PKD1L1: variants seen among roughly 807,000 people sequenced by gnomAD.
The protein encoded by PKD1L1 is polycystin 1 like 1, transient receptor potential channel interacting, also known as polycystin-1-like protein 1.
A neutral mutation model predicts 323.4 loss-of-function variants in PKD1L1; 236 were observed. The ratio of observed to expected loss-of-function variants is 0.73; its 90% CI spans 0.66 to 0.81. PKD1L1 has a LOEUF of 0.81. Among genes scored for constraint, PKD1L1 ranks in the 40% least tolerant of loss-of-function variants. The pLI, the probability that PKD1L1 is intolerant of heterozygous loss-of-function variation, is 0.00. For missense variants in PKD1L1, 3,320 were observed against 3,508.0 expected (o/e 0.95, Z 1.35); for synonymous variants, 1,344 against 1,335.0 (o/e 1.01, Z -0.15).
intron 9 of PKD1L1, among the ~76,000 whole-genome samples, chr7:47,906,319 G>A (rs1420213516): frequency 6.6e-6 from 1 of 152,136 alleles, no homozygotes; most frequent in East Asian, 1.9e-4. Context: ...TTCTTAAATA[G>A]GGGTCTAATA....
chr7:47,788,603 ATT>A (rs201264261), intron 56 of PKD1L1, among the ~76,000 whole-genome samples: 1 of 136,906 alleles, frequency 7.3e-6, no homozygotes, highest in African/African-American at 2.7e-5. Context: ...TTTAATTTTA[ATT>A]TTTTTTTTGA....
intron 8 of PKD1L1, among the ~76,000 whole-genome samples, chr7:47,914,162 T>A (rs1040124736): frequency 2.6e-5 from 4 of 152,106 alleles, no homozygotes; most frequent in African/African-American, 9.7e-5. Context: ...AGAGGTCAAC[T>A]AAAACAAGGC....
chr7:47,828,779 C>A (rs774268632), intron 44 of PKD1L1, among the ~76,000 whole-genome samples: 1 of 152,078 alleles, frequency 6.6e-6, no homozygotes. Flanking sequence ...GGATCCTTTG[C>A]GAGGAGGAGG....
At chr7:47,841,865 A>AT (rs1471913387) in intron 34 of PKD1L1, among the ~76,000 whole-genome samples, 4 of 152,070 alleles carry the variant, frequency 2.6e-5, no homozygotes, top group Non-Finnish European at 4.4e-5. Flanking sequence ...TATTTTGATG[A>AT]TTTTTTCTTA....
intron 45 of PKD1L1, among the ~76,000 whole-genome samples, 185 bp from the exon 46 acceptor site, chr7:47,821,371 C>G (rs1416853716): frequency 6.6e-6 from 1 of 152,006 alleles, no homozygotes; most frequent in African/African-American, 2.4e-5. Context: ...TGGGTTCAAG[C>G]GATTCTCCTG....
chr7:47,938,223 T>C (rs908514006), intron 3 of PKD1L1, among the ~76,000 whole-genome samples: 2 of 152,130 alleles, frequency 1.3e-5, no homozygotes, highest in African/African-American at 2.4e-5. Context: ...TTTTACAGAT[T>C]TGTAACTACA....
intron 33 of PKD1L1, 77 bp downstream of exon 33, chr7:47,844,918 A>C: frequency 8.1e-7 from 1 of 1,239,658 alleles, no homozygotes. Flanking sequence ...GCACCCCCGG[A>C]ATTATATGTG....
In PKD1L1 at chr7:47,884,799, CA is replaced by C. The variant is rs1786645839; in HGVS notation, c.3206-143del. ...TGCTCTGTGGATTACAAAATACCCT[CA>C]GTGGTGGTGTCTTCCCTCACTCATG... is the stretch of plus-strand genomic sequence containing the variant. On this transcript the variant is annotated intron_variant, in intron 18 of 56. Transcript: ENST00000289672. The C allele has an allele frequency of 1.1e-5, 8 of 733,878 alleles. No individual in the cohort carries two copies. In the Admixed American group the frequency reaches 1.7e-4, roughly 16 times the overall value. The allele number at this position is 733,878 out of a possible 1,614,324, so 45.5% of individuals were successfully genotyped here. A position where few individuals can be genotyped will look rare whatever the true frequency, so the allele number is the denominator to read the frequency against.
intron 3 of PKD1L1, among the ~76,000 whole-genome samples, chr7:47,937,916 C>G (rs1562999091): frequency 6.6e-6 from 1 of 152,110 alleles, no homozygotes; most frequent in Non-Finnish European, 1.5e-5. Context: ...AAATCTCAAT[C>G]CTGGTGGCAC....
At position 47,893,994 on chromosome 7, in the gene PKD1L1, G is replaced by A; in HGVS notation, c.2337C>T (p.Ala779=). The A allele has an allele frequency of 1.2e-6, 2 of 1,613,202 alleles. No homozygotes were observed. The highest frequency in any genetic ancestry group is 1.3e-5 in the African/African-American group (1 of 74,984). ...YCVGLEVRAQ[A]PVSVISEGTH... is the part of the protein sequence containing the mutation. ...TGCCCTCGGAGATCACACTGACAGG[G>A]GCCTGGGCTCGCACCTCCAGGCCCA... Residue 779 remains alanine (A), a synonymous_variant, in exon 15 of 57, where the codon GCC becomes GCT. Coordinates refer to ENST00000289672, the MANE Select transcript of PKD1L1 (RefSeq NM_138295.5).
intron 13 of PKD1L1, 24 bp downstream of exon 13, chr7:47,902,355 G>C: frequency 6.2e-7 from 1 of 1,611,774 alleles, no homozygotes; most frequent in Non-Finnish European, 8.5e-7. Flanking sequence ...GGCTGGTGGA[G>C]GATTTCCCAG....
chr7:47,862,647 G>A (rs1479630696), intron 26 of PKD1L1, among the ~76,000 whole-genome samples: 1 of 152,154 alleles, frequency 6.6e-6, no homozygotes, highest in Non-Finnish European at 1.5e-5. Context: ...TTCAGATGGT[G>A]GGTCTAGGAC....
chr7:47,856,535 G>C (rs1029883231), intron 28 of PKD1L1, among the ~76,000 whole-genome samples: 16 of 152,146 alleles, frequency 1.1e-4, no homozygotes, highest in African/African-American at 3.6e-4. Context: ...CATTTTCCTA[G>C]TGTAGATTCT....
rs927745349 is a variant in PKD1L1, at chr7:47,890,885, A to G, written c.2454-122T>C. The G allele has an allele frequency of 9.8e-6, 8 of 813,522 alleles. No homozygotes were observed. In the African/African-American group the frequency reaches 1.4e-4, roughly 14 times the overall value. 50.4% of individuals were successfully genotyped at this position (813,522 alleles called of 1,614,324 possible). A position where few individuals can be genotyped will look rare whatever the true frequency, so the allele number is the denominator to read the frequency against. ...CACAGGGGACACGTGCTGGGAAGAG[A>G]TATTGCTTCCCACATTTTCTCCTGT... On this transcript the variant is annotated intron_variant, in intron 15 of 56. Transcript: ENST00000289672.
chr7:47,813,086 G>A, intron 49 of PKD1L1, 35 bp downstream of exon 49: 2 of 1,590,982 alleles, frequency 1.3e-6, no homozygotes, highest in East Asian at 4.5e-5. Context: ...GCGGTGGCAG[G>A]CAGGATGAGC....
At chr7:47,907,007 C>T (rs536228062) in intron 9 of PKD1L1, among the ~76,000 whole-genome samples, 2 of 152,184 alleles carry the variant, frequency 1.3e-5, no homozygotes, top group South Asian at 2.1e-4. Context: ...ATGGAACCAT[C>T]GGAAATTTAC....
intron 50 of PKD1L1, among the ~76,000 whole-genome samples, chr7:47,810,795 G>C (rs1784876319): frequency 6.6e-6 from 1 of 152,218 alleles, no homozygotes; most frequent in Non-Finnish European, 1.5e-5. Flanking sequence ...AAGCTATGTG[G>C]ACATATTCCA....
chr7:47,831,771 G>A (rs1388396761), intron 41 of PKD1L1, among the ~76,000 whole-genome samples: 1 of 152,190 alleles, frequency 6.6e-6, no homozygotes, highest in Non-Finnish European at 1.5e-5. Context: ...CCTGCATAGG[G>A]ACCTATGGGT....
intron 25 of PKD1L1, among the ~76,000 whole-genome samples, chr7:47,865,626 C>A (rs537713864): frequency 1.0e-5 from 1 of 99,090 alleles, no homozygotes; most frequent in South Asian, 3.0e-4. Flanking sequence ...CGCTTTGTCG[C>A]CCAGGCTGGA....
Sources: allele counts gnomAD v4.1 joint callset (sites outside exome capture counted in the v4.1 genomes callset), GRCh38; gene constraint gnomAD v4.1.1; transcripts MANE v1.5; gene names NCBI Gene and HGNC (gene_info 2026-07-23, HGNC 2026-07-21).